Variants in STX4 observed in about 807,000 individuals in gnomAD.
STX4 encodes syntaxin-4.
A neutral mutation model predicts 41.8 loss-of-function variants in STX4; 24 were observed. That is an observed-to-expected ratio of 0.57 (90% CI 0.42 to 0.81). The LOEUF (loss-of-function observed/expected upper bound fraction) is 0.81, where lower values mean the gene tolerates loss of function less well. Among genes scored for constraint, STX4 ranks in the 30% least tolerant of loss-of-function variants. STX4 has a pLI of 0.00. For synonymous variants in STX4, 158 were observed against 156.4 expected, an observed-to-expected ratio of 1.01 and a Z score of -0.08; for missense variants, 316 against 389.9, an observed-to-expected ratio of 0.81 and a Z score of 1.60.
In STX4 at chr16:31,038,506, C is replaced by G. The variant is rs779814233; in HGVS notation, c.565-4C>G. The G allele has an allele frequency of 1.9e-6, 3 of 1,614,032 alleles. No individual in the cohort carries two copies. The highest frequency in any genetic ancestry group is 2.5e-6 in the Non-Finnish European group (3 of 1,180,026). ...CAGTTGCCCCACTCCTGTCCACCCCCCAGATCCTGAAGGACACGCAGGTGA... is the reference window on the plus strand; with the variant it reads ...CAGTTGCCCCACTCCTGTCCACCCCGCAGATCCTGAAGGACACGCAGGTGA... On this transcript the variant is annotated splice_polypyrimidine_tract_variant and splice_region_variant and intron_variant, in intron 7 of 10. Transcript: ENST00000313843.
chr16:31,036,925 GAGA>G (rs924543049), intron 5 of STX4, among the ~76,000 whole-genome samples: 27 of 152,002 alleles, frequency 1.8e-4, no homozygotes, highest in Non-Finnish European at 3.2e-4. Flanking sequence ...GAGGTCATGG[GAGA>G]AGGAGAGATC....
intron 4 of STX4, 78 bp downstream of exon 4, chr16:31,034,614 C>G: frequency 2.8e-6 from 4 of 1,427,106 alleles, no homozygotes; most frequent in Non-Finnish European, 3.7e-6. Flanking sequence ...GTGTGTGGCC[C>G]AGAGAAGCCA....
At position 31,037,911 on chromosome 16, in the gene STX4, A is replaced by G. The variant is rs751669179; in HGVS notation, c.379-15A>G. 1.2e-6 allele frequency: 2 copies of G among 1,613,816 alleles called. No homozygotes were observed. Among genetic ancestry groups the G allele is most frequent in the Admixed American group, 1.7e-5 (1 of 60,010 alleles). On this transcript the variant is annotated splice_polypyrimidine_tract_variant and intron_variant, in intron 5 of 10. Transcript: ENST00000313843. The stretch of plus-strand genomic sequence containing the variant: ...ATCCTCCCAGGGGCACTCAGCCTAT[A>G]TTCTTCATCTTTAGCATGGGGTCCT...
In STX4 at chr16:31,033,891, T is replaced by C. The variant is rs2056775974; in HGVS notation, c.30+56T>C. ...GGGCGGACGAACTGGAACGCAGGACTTCTGGTCTTCGGGATAGGGAGGGGT... is the reference window on the plus strand; with the variant it reads ...GGGCGGACGAACTGGAACGCAGGACCTCTGGTCTTCGGGATAGGGAGGGGT... On this transcript the variant is annotated intron_variant, in intron 1 of 10. Coordinates refer to ENST00000313843, the MANE Select transcript of STX4 (RefSeq NM_004604.5). This position sits in a 1 kb window ranked among gnomAD's most constrained non-coding sequence, Gnocchi z 5.5. 6.9e-6 allele frequency: 10 copies of C among 1,453,304 alleles called. No individual in the cohort carries two copies. Among genetic ancestry groups the C allele is most frequent in the Middle Eastern group, 1.8e-4 (1 of 5,528 alleles). The allele number at this position is 1,453,304 out of a possible 1,614,324, so 90.0% of individuals were successfully genotyped here. A position where few individuals can be genotyped will look rare whatever the true frequency, so the allele number is the denominator to read the frequency against.
intron 7 of STX4, 113 bp from the exon 8 acceptor site, chr16:31,038,397 C>T (rs1034330484): frequency 6.4e-5 from 95 of 1,476,282 alleles, no homozygotes; most frequent in Admixed American, 1.4e-4. Context: ...ATTAGCCTGC[C>T]TGGAGTCACC....
intron 5 of STX4, among the ~76,000 whole-genome samples, chr16:31,036,474 C>T (rs972853700): frequency 3.3e-5 from 5 of 152,014 alleles, no homozygotes; most frequent in Admixed American, 1.3e-4. Flanking sequence ...GTGTAGGCAG[C>T]GAGGTTGGCA....
upstream of STX4, chr16:31,033,140 C>T (rs2056767621): frequency 1.6e-5 from 9 of 550,214 alleles, no homozygotes; most frequent in South Asian, 1.1e-4. The surrounding 1 kb of genome is among the most constrained non-coding windows in gnomAD (Gnocchi z 5.5). Context: ...CGCGCCCCTC[C>T]CCACCTCGCG....
At chr16:31,036,758 C>T (rs10871454) in intron 5 of STX4, among the ~76,000 whole-genome samples, 48,769 of 151,950 alleles carry the variant, frequency 0.32, 10,094 homozygotes, top group East Asian at 0.89. Flanking sequence ...AACATCTGAA[C>T]AAGAGACTTA....
rs887241704 is a variant in STX4 at position 31,033,729 on chromosome 16, A to G, written c.-77A>G. ...GCAGGGGGAGGGAGGGGAGTGTCAGAGTGTGAGCGGGGTACGGGAATTCCA... is the reference window on the plus strand; with the variant it reads ...GCAGGGGGAGGGAGGGGAGTGTCAGGGTGTGAGCGGGGTACGGGAATTCCA... On this transcript the variant is annotated 5_prime_UTR_variant, in exon 1 of 11. Coordinates refer to ENST00000313843, the MANE Select transcript of STX4 (RefSeq NM_004604.5). This position sits in a 1 kb window ranked among gnomAD's most constrained non-coding sequence, Gnocchi z 5.5. 1 of 1,452,422 alleles carries G rather than the reference A, an allele frequency of 6.9e-7. No individual in the cohort carries two copies. Among genetic ancestry groups the G allele is most frequent in the Non-Finnish European group, 9.1e-7 (1 of 1,102,744 alleles). The allele number at this position is 1,452,422 out of a possible 1,614,324, so 90.0% of individuals were successfully genotyped here. A position where few individuals can be genotyped will look rare whatever the true frequency, so the allele number is the denominator to read the frequency against.
Position 31,039,359 on chromosome 16 carries a change from G to A in STX4, c.703-182G>A, listed in dbSNP as rs2056826598. On this transcript the variant is annotated intron_variant, in intron 8 of 10. Coordinates refer to ENST00000313843, the MANE Select transcript of STX4 (RefSeq NM_004604.5). This position sits in a 1 kb window ranked among gnomAD's most constrained non-coding sequence, Gnocchi z 4.1. ...TGGGATAAGTGAGCAGGGGACAAGG[G>A]ACTACATGATAGAAGGGGCCTGGAA... is the stretch of plus-strand genomic sequence containing the variant. 3.3e-6 allele frequency: 2 copies of A among 600,050 alleles called. No individual in the cohort carries two copies. The highest frequency in any genetic ancestry group is 3.7e-5 in the African/African-American group (2 of 53,864). 37.2% of individuals were successfully genotyped at this position (600,050 alleles called of 1,614,324 possible). A position where few individuals can be genotyped will look rare whatever the true frequency, so the allele number is the denominator to read the frequency against.
chr16:31,033,567 G>A lies in STX4; in HGVS notation c.-239G>A, dbSNP rs1187083696. The A allele has an allele frequency of 6.5e-7, 1 of 1,543,958 alleles. No homozygotes were observed. The highest frequency in any genetic ancestry group is 8.7e-7 in the Non-Finnish European group (1 of 1,142,896). The stretch of plus-strand genomic sequence containing the variant: ...ATCACGGAGGGGCGGGGCTGAGGCT[G>A]CGGGAGCTGGAGCGGGGAAGAAAAG... On this transcript the variant is annotated 5_prime_UTR_variant, in exon 1 of 11. Transcript: ENST00000313843. This position sits in a 1 kb window ranked among gnomAD's most constrained non-coding sequence, Gnocchi z 5.5.
At position 31,039,541 on chromosome 16, in the gene STX4, G is replaced by T; in HGVS notation, c.703G>T (p.Gly235Trp). The part of the protein sequence containing the change: ...TFLATEVEMQ[G>W]EMINRIEKNI... ...CTGAACCACCCCATCCTCTGAGCAG[G>T]GGGAGATGATCAATCGGATTGAGAA... The change falls in exon 9 of 11, where the codon GGG (glycine) becomes TGG (tryptophan). Residue 235 changes from glycine (G) to tryptophan (W), a missense_variant and splice_region_variant. Physicochemically the swap from Gly to Trp is radical, Grantham distance 184. Transcript: ENST00000313843. The surrounding 1 kb of genome is among the most constrained non-coding windows in gnomAD (Gnocchi z 4.1). 1.2e-6 allele frequency: 2 copies of T among 1,613,948 alleles called. No homozygotes were observed. The highest frequency in any genetic ancestry group is 2.2e-5 in the South Asian group (2 of 91,058).
At chr16:31,035,299 T>G (rs1482484259) in intron 5 of STX4, among the ~76,000 whole-genome samples, 2 of 152,202 alleles carry the variant, frequency 1.3e-5, no homozygotes, top group African/African-American at 2.4e-5. Flanking sequence ...AGACAAGACC[T>G]AGTCTTGGCT....
chr16:31,038,942 T>G (rs1332605932), intron 8 of STX4: 2 of 364,438 alleles, frequency 5.5e-6, no homozygotes, highest in African/African-American at 2.1e-5. Context: ...CCCTTATACC[T>G]CTCAGAGGTC....
At chr16:31,036,461 G>A (rs2056800166) in intron 5 of STX4, among the ~76,000 whole-genome samples, 1 of 152,106 alleles carries the variant, frequency 6.6e-6, no homozygotes, top group Admixed American at 6.5e-5. Context: ...CGTAGGAGCT[G>A]TGGTGTAGGC....
chr16:31,037,054 A>AC (rs35642358), intron 5 of STX4, among the ~76,000 whole-genome samples: 17,186 of 100,912 alleles, frequency 0.17, 2,694 homozygotes, highest in African/African-American at 0.37. Flanking sequence ...ATATAGTGAG[A>AC]CCCCCCCCCC....
At position 31,039,562 on chromosome 16, in the gene STX4, GAGA is replaced by G. The variant is rs2056828155; in HGVS notation, c.729_731del (p.Lys243del). ...GCAGGGGGAGATGATCAATCGGATT[GAGA>G]AGAACATCCTGAGCTCAGCGGACTA... On this transcript the variant is annotated inframe_deletion, in exon 9 of 11. Transcript: ENST00000313843. The surrounding 1 kb of genome is among the most constrained non-coding windows in gnomAD (Gnocchi z 4.1). 1 of 1,613,960 alleles carries G rather than the reference GAGA, an allele frequency of 6.2e-7. No individual in the cohort carries two copies. The highest frequency in any genetic ancestry group is 1.7e-5 in the Admixed American group (1 of 59,998).
rs1316498543 is a variant in STX4 at position 31,034,129 on chromosome 16, T to TCAC, written c.132+16_132+17insACC. The TCAC allele has an allele frequency of 5.0e-6, 8 of 1,606,908 alleles. No homozygotes were observed. In the Admixed American group the frequency reaches 1.3e-4, roughly 27 times the overall value. On this transcript the variant is annotated intron_variant, in intron 2 of 10. Coordinates refer to ENST00000313843, the MANE Select transcript of STX4 (RefSeq NM_004604.5). ...TCTTCCACAAGGTAAGGGGCTGGGG[T>TCAC]CTCCGCCTGGATTCGCGAGGGTGTA...
At position 31,033,915 on chromosome 16, in the gene STX4, G is replaced by A. The variant is rs866991656; in HGVS notation, c.30+80G>A. The A allele has an allele frequency of 1.7e-4, 246 of 1,457,558 alleles. 1 individual carries two copies. The Middle Eastern group carries it at 6.0e-3, about 35-fold the overall frequency. 90.3% of individuals were successfully genotyped at this position (1,457,558 alleles called of 1,614,324 possible). ...CTTCTGGTCTTCGGGATAGGGAGGGGTGGCTGATGGCCAGGAAGGAAAGTC... is the reference window on the plus strand; with the variant it reads ...CTTCTGGTCTTCGGGATAGGGAGGGATGGCTGATGGCCAGGAAGGAAAGTC... On this transcript the variant is annotated intron_variant, in intron 1 of 10. Transcript: ENST00000313843. The surrounding 1 kb of genome is among the most constrained non-coding windows in gnomAD (Gnocchi z 5.5).
Sources: gnomAD v4.1 joint callset for allele counts (sites outside exome capture counted in the v4.1 genomes callset) on GRCh38, gnomAD v4.1.1 for gene constraint, Gnocchi (gnomAD v3.1) non-coding constraint, MANE v1.5 for transcripts, NCBI Gene and HGNC (gene_info 2026-07-23, HGNC 2026-07-21) for gene names.